The following PEAK1 variants were observed in gnomAD, a reference collection of about 807,000 sequenced individuals.
PEAK1 encodes the protein pseudopodium enriched atypical kinase 1.
Under a neutral mutation model 124.7 loss-of-function variants are expected in PEAK1, and 54 were observed. That is an observed-to-expected ratio of 0.43 (90% confidence interval 0.35 to 0.54). The LOEUF (loss-of-function observed/expected upper bound fraction) is 0.54. Among genes scored for constraint, PEAK1 ranks in the 20% least tolerant of loss-of-function variants. The pLI, the probability that PEAK1 is intolerant of heterozygous loss-of-function variation, is 0.01. For synonymous variants in PEAK1, 719 were observed against 760.0 expected, an observed-to-expected ratio of 0.95 and a Z score of 0.89; for missense variants, 2,046 against 2,134.5, an observed-to-expected ratio of 0.96 and a Z score of 0.82.
At chr15:77,389,360 T>G (rs2070256126) in intron 1 of PEAK1, among the ~76,000 whole-genome samples, 1 of 152,110 alleles carries the variant, frequency 6.6e-6, no homozygotes, top group South Asian at 2.1e-4. Flanking sequence ...AGCTGTAGAG[T>G]GAATCAACCC....
intron 6 of PEAK1, among the ~76,000 whole-genome samples, chr15:77,200,112 A>G (rs1236960420): frequency 6.6e-6 from 1 of 152,138 alleles, no homozygotes; most frequent in Non-Finnish European, 1.5e-5. Context: ...CACCCTTGAG[A>G]TAGCAAAACC....
At chr15:77,349,488 G>A in intron 2 of PEAK1, 1 of 985,086 alleles carries the variant, frequency 1.0e-6, no homozygotes. Context: ...ATTTCCCAAA[G>A]CTCAATTGAT....
At chr15:77,323,005 G>T (rs1169958820) in intron 2 of PEAK1, among the ~76,000 whole-genome samples, 1 of 152,052 alleles carries the variant, frequency 6.6e-6, no homozygotes, top group African/African-American at 2.4e-5. Context: ...ACGTAATCCA[G>T]CATATAAACA....
intron 1 of PEAK1, among the ~76,000 whole-genome samples, chr15:77,409,052 C>T (rs1019871072): frequency 1.2e-4 from 19 of 152,090 alleles, no homozygotes; most frequent in Admixed American, 2.6e-4. Flanking sequence ...GCCTAAGTAA[C>T]GGAGTGAGAC....
At chr15:77,240,772 G>A (rs957269400) in intron 6 of PEAK1, among the ~76,000 whole-genome samples, 41 of 152,172 alleles carry the variant, frequency 2.7e-4, no homozygotes, top group African/African-American at 9.6e-4. Flanking sequence ...AACTCTGGCT[G>A]AATTCAATAT....
intron 8 of PEAK1, among the ~76,000 whole-genome samples, chr15:77,144,316 G>T (rs2054016558): frequency 2.0e-5 from 3 of 152,142 alleles, no homozygotes; most frequent in Admixed American, 2.0e-4. Context: ...CTTAGCAAGG[G>T]TGTCTGTCCT....
intron 2 of PEAK1, chr15:77,334,771 TTTGTC>T: frequency 1.0e-6 from 1 of 985,368 alleles, no homozygotes; most frequent in Non-Finnish European, 1.2e-6. Flanking sequence ...CTGTCTTCCT[TTTGTC>T]TTATTTTGTC....
At chr15:77,352,005 G>A (rs1268239521) in intron 2 of PEAK1, 4 of 956,090 alleles carry the variant, frequency 4.2e-6, no homozygotes, top group Non-Finnish European at 3.7e-6. Context: ...AGTATAGCTT[G>A]AGCCCAGGAG....
At chr15:77,168,723 T>C (rs568095479) in intron 7 of PEAK1, among the ~76,000 whole-genome samples, 3 of 152,178 alleles carry the variant, frequency 2.0e-5, no homozygotes, top group Non-Finnish European at 4.4e-5. Context: ...CTTGGAAGGG[T>C]AAAGGAAGGT....
At chr15:77,263,117 A>C (rs556853824) in intron 5 of PEAK1, among the ~76,000 whole-genome samples, 2 of 152,338 alleles carry the variant, frequency 1.3e-5, no homozygotes, top group Admixed American at 1.3e-4. Flanking sequence ...CGTAGAGGGA[A>C]ATTTATAGCA....
At chr15:77,329,321 T>C (rs775112845) in intron 2 of PEAK1, among the ~76,000 whole-genome samples, 7 of 152,176 alleles carry the variant, frequency 4.6e-5, no homozygotes, top group Non-Finnish European at 1.0e-4. Context: ...ACCTTACCAC[T>C]GAAAGCAAGG....
intron 2 of PEAK1, among the ~76,000 whole-genome samples, chr15:77,312,142 C>CTAGTACTA (rs530254066): frequency 2.6e-5 from 4 of 152,124 alleles, no homozygotes; most frequent in Admixed American, 6.6e-5. Flanking sequence ...AATAAAGGGA[C>CTAGTACTA]TAGTACTACT....
intron 2 of PEAK1, among the ~76,000 whole-genome samples, chr15:77,324,488 T>G (rs2153023105): frequency 6.6e-6 from 1 of 152,278 alleles, no homozygotes; most frequent in Non-Finnish European, 1.5e-5. Context: ...AATAAAATAC[T>G]GTTTTTATAC....
At chr15:77,157,021 T>G (rs1021790561) in intron 8 of PEAK1, 10 of 152,236 alleles carry the variant, frequency 6.6e-5, no homozygotes, top group Non-Finnish European at 1.2e-4. Context: ...AATGGAAGTC[T>G]TCTTCTTACA....
intron 1 of PEAK1, chr15:77,401,471 A>G (rs2071372123): frequency 1.3e-5 from 12 of 933,768 alleles, no homozygotes; most frequent in Admixed American, 6.2e-5. Flanking sequence ...ATGACAGTCA[A>G]TCTGCACTAG....
intron 8 of PEAK1, among the ~76,000 whole-genome samples, chr15:77,150,748 T>G (rs1425028911): frequency 1.4e-5 from 2 of 146,954 alleles, no homozygotes; most frequent in South Asian, 4.3e-4. Context: ...CACCTATGAG[T>G]GAGAACATGT....
At chr15:77,163,572 A>C (rs4243045) in intron 7 of PEAK1, among the ~76,000 whole-genome samples, 100,008 of 152,082 alleles carry the variant, frequency 0.66, 33,848 homozygotes, top group Non-Finnish European at 0.76. Context: ...TGTAAAAATT[A>C]TGTTAAATGT....
intron 1 of PEAK1, among the ~76,000 whole-genome samples, chr15:77,372,997 A>G (rs2068753820): frequency 6.6e-6 from 1 of 151,828 alleles, no homozygotes; most frequent in Non-Finnish European, 1.5e-5. Context: ...AACCAATTAA[A>G]CCTCTTTTCT....
chr15:77,380,358 G>A (rs191178003), intron 1 of PEAK1, among the ~76,000 whole-genome samples: 7 of 152,210 alleles, frequency 4.6e-5, no homozygotes, highest in African/African-American at 1.7e-4. Flanking sequence ...GTACTCTGGT[G>A]GTACTGATCA....
Sources: gnomAD v4.1 joint callset for allele counts (sites outside exome capture counted in the v4.1 genomes callset) on GRCh38, gnomAD v4.1.1 for gene constraint, MANE v1.5 for transcripts, NCBI Gene and HGNC (gene_info 2026-07-23, HGNC 2026-07-21) for gene names.